PHACTR1: variants seen among roughly 807,000 people sequenced by gnomAD.
PHACTR1 encodes the protein phosphatase and actin regulator 1.
In PHACTR1, 16 loss-of-function variants were observed where a neutral mutation model predicts 69.2. The ratio of observed to expected loss-of-function variants is 0.23; its 90% CI spans 0.16 to 0.35. The LOEUF is 0.35. Ranked by LOEUF, PHACTR1 falls within the 10% of genes least tolerant of loss-of-function variation. PHACTR1 has a pLI of 1.00. For missense variants in PHACTR1, 510 were observed against 734.7 expected (o/e 0.69, Z 3.54); for synonymous variants, 312 against 284.5 (o/e 1.10, Z -0.97).
chr6:13,019,066 A>ATTTTTTTTTT (rs369553785), intron 4 of PHACTR1, among the ~76,000 whole-genome samples: 14 of 134,610 alleles, frequency 1.0e-4, no homozygotes, highest in East Asian at 5.3e-4. Flanking sequence ...ATATATATAT[A>ATTTTTTTTTT]TATATATATT....
chr6:12,814,295 C>T (rs1458408615), intron 4 of PHACTR1, among the ~76,000 whole-genome samples: 1 of 152,188 alleles, frequency 6.6e-6, no homozygotes, highest in Non-Finnish European at 1.5e-5. Flanking sequence ...TCCTCATGAG[C>T]CATACAGTCA....
chr6:13,141,432 G>A (rs7773701), intron 5 of PHACTR1, among the ~76,000 whole-genome samples: 36,013 of 152,192 alleles, frequency 0.24, 4,998 homozygotes, highest in Non-Finnish European at 0.32. Context: ...ATTAAGGATT[G>A]CCTGTTCGTC....
At chr6:12,895,608 G>T (rs183549439) in intron 4 of PHACTR1, among the ~76,000 whole-genome samples, 46 of 152,156 alleles carry the variant, frequency 3.0e-4, no homozygotes, top group African/African-American at 1.0e-3. Context: ...GAGACCAGGT[G>T]CAGCAATGGT....
chr6:13,001,880 G>A (rs1190645371), intron 4 of PHACTR1, among the ~76,000 whole-genome samples: 4 of 152,194 alleles, frequency 2.6e-5, no homozygotes, highest in Non-Finnish European at 4.4e-5. Flanking sequence ...TTCAGTCTGG[G>A]TGACTGACAA....
intron 4 of PHACTR1, among the ~76,000 whole-genome samples, chr6:12,894,836 A>G (rs1784497214): frequency 6.6e-6 from 1 of 152,218 alleles, no homozygotes; most frequent in African/African-American, 2.4e-5. Context: ...CAAAAATTAA[A>G]ATCATTTTAA....
chr6:12,891,609 T>TC (rs1319203120), intron 4 of PHACTR1, among the ~76,000 whole-genome samples: 1 of 152,150 alleles, frequency 6.6e-6, no homozygotes, highest in Non-Finnish European at 1.5e-5. Flanking sequence ...GCCTTTATGA[T>TC]CCCCCTCCTC....
intron 3 of PHACTR1, among the ~76,000 whole-genome samples, chr6:12,736,285 G>T (rs1764245741): frequency 6.6e-6 from 1 of 152,132 alleles, no homozygotes; most frequent in African/African-American, 2.4e-5. Flanking sequence ...TTTCATGAAT[G>T]ATTTTCAATA....
Position 13,205,975 on chromosome 6 carries a change from C to T in PHACTR1, c.825C>T (p.His275=), listed in dbSNP as rs1476818978. Residue 275 remains histidine, a synonymous_variant, in exon 8 of 15, where the codon CAC becomes CAT. Coordinates refer to ENST00000332995, the MANE Select transcript of PHACTR1 (RefSeq NM_030948.6). The part of the protein sequence containing the change: ...KSGQQGVAQH[H]HTVLPSQIQH... ...GCCAGCAGGGTGTGGCCCAGCACCA[C>T]CACACTGTCCTGCCCTCCCAGATCC... The T allele has an allele frequency of 3.7e-6, 6 of 1,613,938 alleles. No homozygotes were observed. Among genetic ancestry groups the T allele is most frequent in the East Asian group, 4.5e-5 (2 of 44,902 alleles).
intron 6 of PHACTR1, among the ~76,000 whole-genome samples, chr6:13,171,831 A>G (rs1760667577): frequency 6.6e-6 from 1 of 152,034 alleles, no homozygotes; most frequent in South Asian, 2.1e-4. Flanking sequence ...CAATGGCGCA[A>G]TCTCGGCTCA....
At chr6:12,989,470 T>C (rs1032562991) in intron 4 of PHACTR1, among the ~76,000 whole-genome samples, 3 of 152,142 alleles carry the variant, frequency 2.0e-5, no homozygotes, top group African/African-American at 7.2e-5. Context: ...GCAAGATAGA[T>C]GTTGGGTTTG....
chr6:12,939,392 G>C (rs1789826039), intron 4 of PHACTR1, among the ~76,000 whole-genome samples: 2 of 152,074 alleles, frequency 1.3e-5, no homozygotes, highest in Admixed American at 1.3e-4. Context: ...TTCTGGACTG[G>C]ATGTCAGAAA....
chr6:12,799,227 A>C (rs1261361499), intron 4 of PHACTR1, among the ~76,000 whole-genome samples: 1 of 152,158 alleles, frequency 6.6e-6, no homozygotes, highest in African/African-American at 2.4e-5. Context: ...ATCTTTACCC[A>C]TCGGATATGT....
chr6:13,073,872 TTC>T (rs1444460830), intron 5 of PHACTR1, among the ~76,000 whole-genome samples: 1 of 151,660 alleles, frequency 6.6e-6, no homozygotes. Context: ...TATTTTCTTT[TTC>T]TTTTTTTTTT....
Position 13,053,623 on chromosome 6 carries a change from C to A in PHACTR1, c.415+94C>A. 5.7e-6 allele frequency: 8 copies of A among 1,396,298 alleles called. No homozygotes were observed. The Admixed American group carries it at 7.7e-5, about 13-fold the overall frequency. 86.5% of individuals were successfully genotyped at this position (1,396,298 alleles called of 1,614,324 possible). A position where few individuals can be genotyped will look rare whatever the true frequency, so the allele number is the denominator to read the frequency against. On this transcript the variant is annotated intron_variant, in intron 5 of 14. Coordinates refer to ENST00000332995, the MANE Select transcript of PHACTR1 (RefSeq NM_030948.6). ...TTTAATTGCAATAGGCTGTTTGAACCAAAGGAGAAAAAATATCAAGCCTTG... is the reference window on the plus strand; with the variant it reads ...TTTAATTGCAATAGGCTGTTTGAACAAAAGGAGAAAAAATATCAAGCCTTG...
chr6:13,263,855 C>T (rs963050540), intron 10 of PHACTR1, among the ~76,000 whole-genome samples: 9 of 152,144 alleles, frequency 5.9e-5, no homozygotes, highest in Admixed American at 5.2e-4. Context: ...GTGACCACGT[C>T]GTCGTGCTCT....
chr6:12,746,465 G>A (rs543917441), intron 3 of PHACTR1, among the ~76,000 whole-genome samples: 1 of 152,278 alleles, frequency 6.6e-6, no homozygotes, highest in South Asian at 2.1e-4. Flanking sequence ...TGAGCCTGGG[G>A]AGGTGGAGGC....
At chr6:13,243,800 C>T (rs1316975622) in intron 10 of PHACTR1, among the ~76,000 whole-genome samples, 3 of 152,118 alleles carry the variant, frequency 2.0e-5, no homozygotes, top group African/African-American at 7.2e-5. Flanking sequence ...TTTTTTGTGT[C>T]TTTGTGTACT....
chr6:13,209,077 G>A (rs1766395303), intron 8 of PHACTR1, among the ~76,000 whole-genome samples: 1 of 152,158 alleles, frequency 6.6e-6, no homozygotes, highest in Admixed American at 6.5e-5. Flanking sequence ...TGCCACCCCA[G>A]AGAAAGAGAG....
intron 5 of PHACTR1, among the ~76,000 whole-genome samples, chr6:13,156,488 C>T (rs946007780): frequency 5.9e-5 from 9 of 152,334 alleles, no homozygotes; most frequent in African/African-American, 1.7e-4. Context: ...AACTTTGAGT[C>T]ATACACTTGG....
Sources: gnomAD v4.1 joint callset for allele counts (sites outside exome capture counted in the v4.1 genomes callset) on GRCh38, gnomAD v4.1.1 for gene constraint, MANE v1.5 for transcripts, NCBI Gene and HGNC (gene_info 2026-07-23, HGNC 2026-07-21) for gene names.